Variants in DNAH6 observed in about 807,000 individuals in gnomAD.
DNAH6 encodes axonemal beta dynein heavy chain 6.
DNAH6 carries 340 observed loss-of-function variants against 491.4 expected under a neutral mutation model. The ratio of observed to expected loss-of-function variants is 0.69; its 90% CI spans 0.63 to 0.76. The LOEUF (loss-of-function observed/expected upper bound fraction) is 0.76, where lower values mean the gene tolerates loss of function less well. Ranked by LOEUF, DNAH6 falls within the 30% of genes least tolerant of loss-of-function variation. DNAH6 has a pLI of 0.00. For synonymous variants in DNAH6, 1,603 were observed against 1,686.1 expected (o/e 0.95, Z 1.21); for missense variants, 4,443 against 4,972.2 (o/e 0.89, Z 3.20).
chr2:84,802,578 C>T (rs952660102), intron 70 of DNAH6, among the ~76,000 whole-genome samples: 10 of 151,986 alleles, frequency 6.6e-5, no homozygotes, highest in African/African-American at 2.4e-4. Flanking sequence ...TAAGAAAAGA[C>T]TTTTACAGCC....
intron 21 of DNAH6, among the ~76,000 whole-genome samples, chr2:84,609,613 C>A (rs1272959446): frequency 6.6e-6 from 1 of 151,758 alleles, no homozygotes; most frequent in African/African-American, 2.4e-5. Context: ...TTCATGGCAC[C>A]CCAAACAATT....
At chr2:84,509,497 C>T in the DNAH6 span, among the ~76,000 whole-genome samples, 3 of 152,192 alleles carry the variant, frequency 2.0e-5, no homozygotes, top group Non-Finnish European at 4.4e-5. Context: ...CTCCTGAATA[C>T]AGCACACTGA....
chr2:84,691,251 A>G (rs912848733), intron 45 of DNAH6, among the ~76,000 whole-genome samples: 2 of 152,202 alleles, frequency 1.3e-5, no homozygotes, highest in African/African-American at 2.4e-5. Flanking sequence ...GATAGAAATA[A>G]TCAAACTGCT....
At chr2:84,626,003 A>G (rs1687819111) in intron 29 of DNAH6, among the ~76,000 whole-genome samples, 1 of 152,204 alleles carries the variant, frequency 6.6e-6, no homozygotes, top group African/African-American at 2.4e-5. Context: ...TAAAACTTAA[A>G]CCATATACAC....
Position 84,781,619 on chromosome 2 carries a change from A to G in DNAH6, c.10830A>G (p.Ala3610=). The change falls in exon 65 of 77, where the codon GCA becomes GCG. Residue 3610 remains alanine, a synonymous_variant. Transcript: ENST00000389394. ...NCHLAVSWML[A]MEELIKTFTD... is the part of the protein sequence containing the mutation. ...ATCTTGCTGTTTCTTGGATGTTGGC[A>G]ATGGAAGAGCTCATTAAAACCTTCA... 1 of 1,552,012 alleles carries G rather than the reference A, an allele frequency of 6.4e-7. No homozygotes were observed. Among genetic ancestry groups the G allele is most frequent in the Non-Finnish European group, 8.7e-7 (1 of 1,146,998 alleles).
intron 58 of DNAH6, 84 bp from the exon 59 acceptor site, chr2:84,718,120 C>A: frequency 8.7e-7 from 1 of 1,155,962 alleles, no homozygotes; most frequent in East Asian, 2.7e-5. Context: ...AGAATAAGAA[C>A]GATTACAAAC....
intron 64 of DNAH6, among the ~76,000 whole-genome samples, chr2:84,772,329 G>A (rs1439971334): frequency 6.6e-6 from 1 of 152,044 alleles, no homozygotes; most frequent in Non-Finnish European, 1.5e-5. Context: ...AATCAGAGAA[G>A]TAAATTCTTC....
chr2:84,572,212 C>A (rs1558735378), intron 11 of DNAH6, among the ~76,000 whole-genome samples: 1 of 152,066 alleles, frequency 6.6e-6, no homozygotes, highest in Non-Finnish European at 1.5e-5. Context: ...AACTTTCTCC[C>A]AAATGGTTCA....
Position 84,670,460 on chromosome 2 carries a change from A to C in DNAH6, c.6439A>C (p.Arg2147=), listed in dbSNP as rs1452375194. 2 of 1,530,078 alleles carry C rather than the reference A, an allele frequency of 1.3e-6. No individual in the cohort carries two copies. The highest frequency in any genetic ancestry group is 4.4e-5 in the Admixed American group (2 of 45,866). 94.8% of individuals were successfully genotyped at this position (1,530,078 alleles called of 1,614,324 possible). Reference sequence around the variant, plus strand: ...CATTGAGTCAAAACTGGAGAGAAAAAGAAAAAATATTCTAGGTAAGAATCA... The same window carrying C: ...CATTGAGTCAAAACTGGAGAGAAAACGAAAAAATATTCTAGGTAAGAATCA... The part of the protein sequence containing the change: ...EIIESKLERK[R]KNILGAPGNK... The change falls in exon 39 of 77, where the codon AGA becomes CGA. Residue 2147 remains arginine, a synonymous_variant. Transcript: ENST00000389394.
chr2:84,469,547 A>T, the DNAH6 span, among the ~76,000 whole-genome samples: 1 of 152,204 alleles, frequency 6.6e-6, no homozygotes, highest in Non-Finnish European at 1.5e-5. The surrounding 1 kb of genome is among the most constrained non-coding windows in gnomAD (Gnocchi z 4.0). Context: ...AAAGAAAAGT[A>T]GAGAAGTAAA....
chr2:84,595,050 G>A (rs1684447416), intron 17 of DNAH6, among the ~76,000 whole-genome samples: 2 of 152,180 alleles, frequency 1.3e-5, no homozygotes, highest in South Asian at 4.1e-4. Flanking sequence ...TTCCACCGTA[G>A]GATGCATTCA....
At chr2:84,573,200 A>G (rs1682067314) in intron 11 of DNAH6, among the ~76,000 whole-genome samples, 1 of 152,242 alleles carries the variant, frequency 6.6e-6, no homozygotes, top group South Asian at 2.1e-4. Context: ...GCAGAAACAA[A>G]TTGTGTTTCC....
chr2:84,646,335 A>G (rs1008986001), intron 33 of DNAH6, among the ~76,000 whole-genome samples: 1 of 152,050 alleles, frequency 6.6e-6, no homozygotes, highest in African/African-American at 2.4e-5. Flanking sequence ...CTGAGACATA[A>G]TAATATTGAA....
At chr2:84,491,140 G>A in the DNAH6 span, among the ~76,000 whole-genome samples, 13 of 152,220 alleles carry the variant, frequency 8.5e-5, no homozygotes, top group Non-Finnish European at 1.8e-4. Context: ...TCCAGGAGTG[G>A]AGTAGGTAAG....
chr2:84,557,475 T>C (rs1680156281), intron 10 of DNAH6, among the ~76,000 whole-genome samples: 1 of 148,340 alleles, frequency 6.7e-6, no homozygotes, highest in Admixed American at 6.7e-5. Flanking sequence ...TGAAACCCCG[T>C]CTCTACTAAA....
chr2:84,460,408 T>G, the DNAH6 span, among the ~76,000 whole-genome samples: 4 of 152,240 alleles, frequency 2.6e-5, no homozygotes, highest in East Asian at 7.7e-4. Flanking sequence ...AAATGGACAT[T>G]TTTATGGCAA....
the DNAH6 span, among the ~76,000 whole-genome samples, chr2:84,511,086 T>C: frequency 6.6e-6 from 1 of 152,186 alleles, no homozygotes; most frequent in Non-Finnish European, 1.5e-5. Context: ...GGAGAACCAC[T>C]ATTCTCTTCA....
intron 63 of DNAH6, among the ~76,000 whole-genome samples, chr2:84,756,427 C>G (rs546214440): frequency 6.6e-6 from 1 of 152,190 alleles, no homozygotes; most frequent in African/African-American, 2.4e-5. Flanking sequence ...AGGAAAAATA[C>G]ACTTCCTTAT....
At chr2:84,686,245 C>G (rs1178337678) in intron 43 of DNAH6, among the ~76,000 whole-genome samples, 3 of 151,238 alleles carry the variant, frequency 2.0e-5, no homozygotes, top group Non-Finnish European at 4.4e-5. Flanking sequence ...AAATAAGTAT[C>G]CAATATTCAT....
Sources: gnomAD v4.1 joint callset for allele counts (sites outside exome capture counted in the v4.1 genomes callset) on GRCh38, gnomAD v4.1.1 for gene constraint, Gnocchi (gnomAD v3.1) non-coding constraint, MANE v1.5 for transcripts, NCBI Gene and HGNC (gene_info 2026-07-23, HGNC 2026-07-21) for gene names.